Variants in RERE observed in about 807,000 individuals in gnomAD.
The protein encoded by RERE is arginine-glutamic acid dipeptide repeats.
In RERE, 40 loss-of-function variants were observed where a neutral mutation model predicts 146.1. The ratio of observed to expected loss-of-function variants is 0.27; its 90% CI spans 0.21 to 0.36. The LOEUF (loss-of-function observed/expected upper bound fraction) is 0.36. RERE is among the 10% of genes least tolerant of loss of function. The pLI is 1.00. For synonymous variants in RERE, 1,003 were observed against 866.0 expected, an observed-to-expected ratio of 1.16 and a Z score of -2.78; for missense variants, 1,933 against 2,138.7, an observed-to-expected ratio of 0.90 and a Z score of 1.90.
intron 12 of RERE, among the ~76,000 whole-genome samples, chr1:8,406,017 CT>C (rs1643428119): frequency 6.6e-6 from 1 of 152,118 alleles, no homozygotes; most frequent in South Asian, 2.1e-4. Flanking sequence ...CCCTTTCCCC[CT>C]AACAACTACA....
intron 3 of RERE, among the ~76,000 whole-genome samples, chr1:8,618,164 C>G (rs1437911852): frequency 1.3e-5 from 2 of 152,206 alleles, no homozygotes; most frequent in African/African-American, 4.8e-5. Flanking sequence ...GAATAAAAAG[C>G]ATAAACCTAA....
At chr1:8,743,680 T>C (rs562628273) in intron 1 of RERE, among the ~76,000 whole-genome samples, 1 of 152,162 alleles carries the variant, frequency 6.6e-6, no homozygotes, top group Non-Finnish European at 1.5e-5. Flanking sequence ...AAATGAAACT[T>C]AACAAGGGCC....
intron 8 of RERE, among the ~76,000 whole-genome samples, chr1:8,499,672 T>C (rs1645102796): frequency 6.6e-6 from 1 of 152,248 alleles, no homozygotes; most frequent in Admixed American, 6.5e-5. Context: ...CCCACACAGC[T>C]TTACAGGCTG....
At chr1:8,678,104 T>C (rs139418423) in intron 1 of RERE, among the ~76,000 whole-genome samples, 2 of 152,202 alleles carry the variant, frequency 1.3e-5, no homozygotes, top group South Asian at 4.1e-4. Context: ...TGCAGAAGCA[T>C]GGTCTCCTGG....
At chr1:8,610,832 C>T (rs1283091887) in intron 4 of RERE, among the ~76,000 whole-genome samples, 6 of 150,586 alleles carry the variant, frequency 4.0e-5, no homozygotes, top group Non-Finnish European at 8.9e-5. Flanking sequence ...CCTATGTTAC[C>T]AAGAAACATG....
chr1:8,643,719 C>T (rs1461231566), intron 2 of RERE, among the ~76,000 whole-genome samples: 1 of 152,182 alleles, frequency 6.6e-6, no homozygotes, highest in Non-Finnish European at 1.5e-5. Context: ...AAGGTGAGCA[C>T]AGCAGACAGG....
chr1:8,487,408 G>GT (rs1644916593), intron 10 of RERE, among the ~76,000 whole-genome samples: 1 of 151,976 alleles, frequency 6.6e-6, no homozygotes, highest in Non-Finnish European at 1.5e-5. Flanking sequence ...GTGAGACCCC[G>GT]TCACTACAAA....
intron 2 of RERE, among the ~76,000 whole-genome samples, chr1:8,655,040 C>T (rs1638238257): frequency 6.6e-6 from 1 of 151,946 alleles, no homozygotes; most frequent in African/African-American, 2.4e-5. Flanking sequence ...TTGAGTCTGT[C>T]TTTTTTTGAG....
intron 12 of RERE, among the ~76,000 whole-genome samples, chr1:8,398,563 G>C (rs1643137800): frequency 6.6e-6 from 1 of 152,196 alleles, no homozygotes; most frequent in Non-Finnish European, 1.5e-5. Context: ...TCTGTTATCA[G>C]TCTTAAATGA....
At chr1:8,652,245 C>G (rs918091653) in intron 2 of RERE, among the ~76,000 whole-genome samples, 1 of 152,132 alleles carries the variant, frequency 6.6e-6, no homozygotes, top group African/African-American at 2.4e-5. Context: ...CTGGGTGCCA[C>G]GGAAATCTTC....
At position 8,622,128 on chromosome 1, in the gene RERE, G is replaced by A. The variant is rs187477880; in HGVS notation, c.396+2182C>T. The stretch of plus-strand genomic sequence containing the variant: ...ACCAATACTGACAACAGAAGCTTTA[G>A]CTTTTATTGCTGTTAATACCCTGAG... On this transcript the variant is annotated intron_variant, in intron 3 of 22. Transcript: ENST00000400908. 2.0e-5 allele frequency among the ~76,000 whole-genome samples: 3 copies of A among 152,266 alleles called. No individual in the cohort carries two copies. In the East Asian group the frequency reaches 5.8e-4, roughly 29 times the overall value.
chr1:8,470,451 T>G (rs1283143239), intron 10 of RERE, among the ~76,000 whole-genome samples: 4 of 151,918 alleles, frequency 2.6e-5, no homozygotes, highest in Non-Finnish European at 5.9e-5. Flanking sequence ...TTAGTAGAGA[T>G]GGGGTTTCGC....
At chr1:8,596,528 TAAGG>T (rs1646556931) in intron 4 of RERE, among the ~76,000 whole-genome samples, 1 of 152,172 alleles carries the variant, frequency 6.6e-6, no homozygotes, top group Non-Finnish European at 1.5e-5. Flanking sequence ...TTAATTTAAC[TAAGG>T]GTCTTGCTCT....
chr1:8,559,283 A>AAAAAAAAAAAAAAAC (rs1646046019), intron 4 of RERE, among the ~76,000 whole-genome samples: 1 of 119,538 alleles, frequency 8.4e-6, no homozygotes, highest in Non-Finnish European at 1.8e-5. Flanking sequence ...TCCAGCTCAA[A>AAAAAAAAAAAAAAAC]AAAAAAAAAA....
chr1:8,361,888 A>G lies in RERE; in HGVS notation c.1903-12T>C. 1 of 1,597,932 alleles carries G rather than the reference A, an allele frequency of 6.3e-7. No individual in the cohort carries two copies. The highest frequency in any genetic ancestry group is 2.2e-5 in the East Asian group (1 of 44,784). Reference sequence around the variant, plus strand: ...TCCTCCTTCACCTTCTGCAGGGGAAAAGCCCACAAGGAGCAATCAGGCCAA... The same window carrying G: ...TCCTCCTTCACCTTCTGCAGGGGAAGAGCCCACAAGGAGCAATCAGGCCAA... On this transcript the variant is annotated splice_polypyrimidine_tract_variant and intron_variant, in intron 16 of 22. Transcript: ENST00000400908.
At chr1:8,596,783 A>T (rs1375617634) in intron 4 of RERE, among the ~76,000 whole-genome samples, 2 of 150,120 alleles carry the variant, frequency 1.3e-5, no homozygotes, top group Non-Finnish European at 3.0e-5. Flanking sequence ...AAGTGCTGGG[A>T]TTATAGGTGT....
chr1:8,629,713 C>A (rs911166481), intron 2 of RERE, among the ~76,000 whole-genome samples: 1 of 152,178 alleles, frequency 6.6e-6, no homozygotes, highest in African/African-American at 2.4e-5. Context: ...GTGCCACACA[C>A]GCCAGTACTA....
intron 2 of RERE, among the ~76,000 whole-genome samples, chr1:8,628,840 C>A (rs978359545): frequency 2.6e-5 from 4 of 152,122 alleles, no homozygotes; most frequent in Non-Finnish European, 5.9e-5. Context: ...TTTATGAGTG[C>A]ATGGGATGTC....
intron 4 of RERE, among the ~76,000 whole-genome samples, chr1:8,584,823 T>C (rs867564203): frequency 2.0e-5 from 3 of 152,160 alleles, no homozygotes; most frequent in African/African-American, 7.2e-5. Flanking sequence ...ATTGTTACTC[T>C]GAAACTACTG....
Sources: allele counts gnomAD v4.1 joint callset (sites outside exome capture counted in the v4.1 genomes callset), GRCh38; gene constraint gnomAD v4.1.1; transcripts MANE v1.5; gene names NCBI Gene and HGNC (gene_info 2026-07-23, HGNC 2026-07-21).